Variants in SLC27A2 observed in about 807,000 individuals in gnomAD.
The protein encoded by SLC27A2 is solute carrier family 27 member 2, also known as long-chain fatty acid transport protein 2.
SLC27A2 carries 54 observed loss-of-function variants against 60.0 expected under a neutral mutation model. The observed-to-expected ratio is 0.90, with a 90% CI of 0.72 to 1.13. The LOEUF (loss-of-function observed/expected upper bound fraction) is 1.13. SLC27A2 is among the 50% of genes most tolerant of loss of function. SLC27A2 has a pLI of 0.00. For missense variants in SLC27A2, 739 were observed against 777.6 expected, an observed-to-expected ratio of 0.95 and a Z score of 0.59; for synonymous variants, 297 against 297.6, an observed-to-expected ratio of 1.00 and a Z score of 0.02.
intron 4 of SLC27A2, among the ~76,000 whole-genome samples, chr15:50,207,770 A>G (rs1413628603): frequency 6.6e-6 from 1 of 150,964 alleles, no homozygotes. Context: ...AGCCTGGGCG[A>G]CAGAACAAGA....
chr15:50,189,267 G>A, intron 1 of SLC27A2, among the ~76,000 whole-genome samples: 1 of 151,932 alleles, frequency 6.6e-6, no homozygotes, highest in East Asian at 1.9e-4. Context: ...ACCTCTCAAA[G>A]GTCCTCCTAA....
At chr15:50,183,351 G>A (rs112280695) in intron 1 of SLC27A2, among the ~76,000 whole-genome samples, 12 of 152,224 alleles carry the variant, frequency 7.9e-5, no homozygotes, top group African/African-American at 2.9e-4. Context: ...TTGACTGGCT[G>A]TGTGATCATG....
intron 1 of SLC27A2, among the ~76,000 whole-genome samples, chr15:50,191,419 T>A (rs1409657428): frequency 6.6e-6 from 1 of 152,208 alleles, no homozygotes; most frequent in Non-Finnish European, 1.5e-5. Flanking sequence ...CTGAGTCCAT[T>A]GGACTGGTCA....
intron 8 of SLC27A2, among the ~76,000 whole-genome samples, chr15:50,231,393 C>A (rs2045315906): frequency 6.6e-6 from 1 of 152,112 alleles, no homozygotes. Context: ...GTGATCCACA[C>A]CCCGACCTTG....
At position 50,183,045 on chromosome 15, in the gene SLC27A2, T is replaced by C. The variant is rs559853791; in HGVS notation, c.478+140T>C. ...ATAGAAAAAGGTTGGCAGTGTTTCC[T>C]TGAATCGCAAATAATGATCTTTTAG... is the stretch of plus-strand genomic sequence containing the variant. On this transcript the variant is annotated intron_variant, in intron 1 of 9. Coordinates refer to ENST00000267842, the MANE Select transcript of SLC27A2 (RefSeq NM_003645.4). 19 of 844,376 alleles carry C rather than the reference T, an allele frequency of 2.3e-5. No individual in the cohort carries two copies. In the South Asian group the frequency reaches 3.2e-4, roughly 14 times the overall value. The allele number at this position is 844,376 out of a possible 1,614,324, so 52.3% of individuals were successfully genotyped here. A position where few individuals can be genotyped will look rare whatever the true frequency, so the allele number is the denominator to read the frequency against.
At position 50,223,157 on chromosome 15, in the gene SLC27A2, A is replaced by T; in HGVS notation, c.1165A>T (p.Lys389Ter). The T allele has an allele frequency of 6.2e-7, 1 of 1,608,064 alleles. No homozygotes were observed. The highest frequency in any genetic ancestry group is 8.5e-7 in the Non-Finnish European group (1 of 1,176,004). The part of the protein sequence containing the change: ...GAVGRVNYLQ[K>*]KIITYDLIKY... ...TGTTGGAAGAGTAAACTACCTACAG[A>T]AAGTAAGTACATTGAAAAATGAGAG... Residue 389 changes from lysine to a stop codon, truncating the protein, a stop_gained and splice_region_variant, in exon 5 of 10, where the codon AAA becomes TAA. Transcript: ENST00000267842. LOFTEE classifies it high-confidence loss of function.
chr15:50,229,010 A>G lies in SLC27A2; in HGVS notation c.1523A>G (p.Gln508Arg), dbSNP rs2045297439. 1.2e-6 allele frequency: 2 copies of G among 1,613,734 alleles called. No individual in the cohort carries two copies. Among genetic ancestry groups the G allele is most frequent in the South Asian group, 1.1e-5 (1 of 91,080 alleles). The change falls in exon 8 of 10, where the codon CAA (glutamine) becomes CGA (arginine). Residue 508 changes from glutamine to arginine, a missense_variant. By Grantham distance (43) the Gln-to-Arg change is conservative (BLOSUM62 1). Transcript: ENST00000267842. ...ADTVGLVDFVQEVNVYGVHVP... is the reference protein window; with the variant it reads ...ADTVGLVDFVREVNVYGVHVP... Reference sequence around the variant, plus strand: ...ACAGTTGGACTGGTTGATTTTGTCCAAGAAGTAAATGTTTATGGAGTGCAT... The same window carrying G: ...ACAGTTGGACTGGTTGATTTTGTCCGAGAAGTAAATGTTTATGGAGTGCAT...
rs78884704 is a variant in SLC27A2, at chr15:50,229,701, G to A, written c.1555+659G>A. Among the ~76,000 whole-genome samples, 433 of 152,148 alleles carry A rather than the reference G, an allele frequency of 2.8e-3. 1 individual carries two copies. The highest frequency in any genetic ancestry group is 0.01 in the African/African-American group (418 of 41,496). Reference sequence around the variant, plus strand: ...ACAAATTCATTTTAATTACATCAACGCTAAGCATATATTTATCAAATATAT... The same window carrying A: ...ACAAATTCATTTTAATTACATCAACACTAAGCATATATTTATCAAATATAT... On this transcript the variant is annotated intron_variant, in intron 8 of 9. Transcript: ENST00000267842.
At chr15:50,229,129 C>G in intron 8 of SLC27A2, 87 bp downstream of exon 8, 1 of 824,658 alleles carries the variant, frequency 1.2e-6, no homozygotes, top group Non-Finnish European at 2.0e-6. Flanking sequence ...TTGCTTTCTC[C>G]CGCCATCCAG....
At chr15:50,228,519 C>T (rs898337035) in intron 7 of SLC27A2, among the ~76,000 whole-genome samples, 22 of 150,806 alleles carry the variant, frequency 1.5e-4, no homozygotes, top group African/African-American at 5.1e-4. Flanking sequence ...TTCTTGTTGC[C>T]GTGAGACCCT....
intron 5 of SLC27A2, among the ~76,000 whole-genome samples, chr15:50,225,168 A>T (rs1439408573): frequency 6.6e-6 from 1 of 152,232 alleles, no homozygotes; most frequent in South Asian, 2.1e-4. Context: ...ATACTAAAGC[A>T]TATGATTGTT....
At chr15:50,188,742 C>T (rs1451929184) in intron 1 of SLC27A2, among the ~76,000 whole-genome samples, 1 of 152,176 alleles carries the variant, frequency 6.6e-6, no homozygotes, top group African/African-American at 2.4e-5. Context: ...GGCAGATCAC[C>T]TGAGTTCAGG....
chr15:50,182,243 CG>C lies in SLC27A2; in HGVS notation c.-183del, dbSNP rs558283999. The C allele has an allele frequency of 4.7e-3, 4,652 of 988,332 alleles. 17 individuals carry two copies. Among genetic ancestry groups the C allele is most frequent in the South Asian group, 0.022 (606 of 28,034 alleles). 61.2% of individuals were successfully genotyped at this position (988,332 alleles called of 1,614,324 possible). A position where few individuals can be genotyped will look rare whatever the true frequency, so the allele number is the denominator to read the frequency against. On this transcript the variant is annotated 5_prime_UTR_variant, in exon 1 of 10. Coordinates refer to ENST00000267842, the MANE Select transcript of SLC27A2 (RefSeq NM_003645.4). Reference sequence around the variant, plus strand: ...AACGCGCATACGACTACACCTGCTCCGGAGCCCGCGGCGGTACCTGCAGCGG... The same window carrying C: ...AACGCGCATACGACTACACCTGCTCCGAGCCCGCGGCGGTACCTGCAGCGG...
At chr15:50,229,917 A>G (rs1036527519) in intron 8 of SLC27A2, among the ~76,000 whole-genome samples, 6 of 152,154 alleles carry the variant, frequency 3.9e-5, no homozygotes, top group African/African-American at 1.4e-4. Flanking sequence ...ACACTTCTAC[A>G]TGGCCCTGTG....
At chr15:50,226,566 T>G (rs2045279865) in intron 6 of SLC27A2, among the ~76,000 whole-genome samples, 1 of 152,076 alleles carries the variant, frequency 6.6e-6, no homozygotes, top group East Asian at 1.9e-4. Context: ...ATCCTGTCCC[T>G]ACTGAAAATA....
At chr15:50,186,986 A>G (rs2044930279) in intron 1 of SLC27A2, among the ~76,000 whole-genome samples, 1 of 152,210 alleles carries the variant, frequency 6.6e-6, no homozygotes, top group African/African-American at 2.4e-5. Context: ...CTGTCAGTCA[A>G]ATTCTGCAGT....
At chr15:50,196,072 A>T (rs1367018962) in intron 1 of SLC27A2, among the ~76,000 whole-genome samples, 2 of 18,112 alleles carry the variant, frequency 1.1e-4, no homozygotes, top group African/African-American at 1.9e-4. Flanking sequence ...AAAAAAAAAA[A>T]AAAAAATATA....
rs2045103727 is a variant in SLC27A2 at position 50,205,349 on chromosome 15, T to C, written c.958T>C (p.Cys320Arg). The change falls in exon 4 of 10, where the codon TGC (cysteine) becomes CGC (arginine). Residue 320 changes from cysteine to arginine, a missense_variant. Coordinates refer to ENST00000267842, the MANE Select transcript of SLC27A2 (RefSeq NM_003645.4). ...QYIGELLRYLCNSPQKPNDRD... is the reference protein window; with the variant it reads ...QYIGELLRYLRNSPQKPNDRD... ...TATCGGTGAACTGCTTCGGTATTTA[T>C]GCAACTCACCACAGGTAACACTCCC... The C allele has an allele frequency of 6.2e-7, 1 of 1,607,328 alleles. No homozygotes were observed. The highest frequency in any genetic ancestry group is 8.5e-7 in the Non-Finnish European group (1 of 1,175,660).
At chr15:50,206,510 C>T (rs1017235489) in intron 4 of SLC27A2, among the ~76,000 whole-genome samples, 1 of 152,198 alleles carries the variant, frequency 6.6e-6, no homozygotes, top group Non-Finnish European at 1.5e-5. Flanking sequence ...TCTCTCTCAC[C>T]TCACTTTACT....
Sources: allele counts gnomAD v4.1 joint callset (sites outside exome capture counted in the v4.1 genomes callset), GRCh38; gene constraint gnomAD v4.1.1; transcripts MANE v1.5; gene names NCBI Gene and HGNC (gene_info 2026-07-23, HGNC 2026-07-21).